Variants in CNTN5 observed in about 807,000 individuals in gnomAD.
The protein encoded by CNTN5 is contactin-5.
In CNTN5, 77 loss-of-function variants were observed where a neutral mutation model predicts 129.1. That is an observed-to-expected ratio of 0.60 (90% CI 0.50 to 0.72). The LOEUF is 0.72. CNTN5 is among the 30% of genes least tolerant of loss of function. The probability of loss-of-function intolerance (pLI) is 0.00; values close to 1 mark genes in which losing one functional copy is unlikely to be tolerated. For missense variants in CNTN5, 1,478 were observed against 1,328.8 expected (o/e 1.11, Z -1.75); for synonymous variants, 509 against 465.6 (o/e 1.09, Z -1.20).
intron 1 of CNTN5, among the ~76,000 whole-genome samples, chr11:99,085,471 T>C (rs1591166773): frequency 6.6e-6 from 1 of 152,202 alleles, no homozygotes; most frequent in East Asian, 1.9e-4. Flanking sequence ...AAAGAATTAC[T>C]TCATACTTTT....
At chr11:99,585,993 C>A (rs918887753) in intron 3 of CNTN5, among the ~76,000 whole-genome samples, 2 of 151,992 alleles carry the variant, frequency 1.3e-5, no homozygotes, top group African/African-American at 4.8e-5. Flanking sequence ...CAGTCAGCTA[C>A]CGTGTTAGTT....
At chr11:99,465,449 A>G (rs2135252359) in intron 2 of CNTN5, among the ~76,000 whole-genome samples, 1 of 152,188 alleles carries the variant, frequency 6.6e-6, no homozygotes, top group African/African-American at 2.4e-5. Context: ...TTAAGTAAAA[A>G]TATATTTAAT....
intron 1 of CNTN5, among the ~76,000 whole-genome samples, chr11:99,305,331 T>C (rs187529420): frequency 1.1e-4 from 17 of 152,302 alleles, no homozygotes; most frequent in African/African-American, 3.8e-4. Context: ...AAGAGATGCT[T>C]GTTAACATCT....
intron 7 of CNTN5, 109 bp from the exon 8 acceptor site, chr11:99,956,697 G>A (rs767715451): frequency 5.7e-6 from 4 of 702,282 alleles, no homozygotes; most frequent in Non-Finnish European, 7.4e-6. Context: ...GATCAAATAT[G>A]TATGACCTTG....
rs140935583 is a variant in CNTN5, at chr11:99,704,297, G to A, written c.56-115247G>A. ...CACACAGGAACTTATTAAATGCCAC[G>A]TTAAATGATTACAAAATTGATATGA... On this transcript the variant is annotated intron_variant, in intron 3 of 24. Coordinates refer to ENST00000524871, the MANE Select transcript of CNTN5 (RefSeq NM_014361.4). Among the ~76,000 whole-genome samples the A allele has an allele frequency of 4.4e-3, 670 of 150,934 alleles. 6 individuals carry two copies. Among genetic ancestry groups the A allele is most frequent in the African/African-American group, 0.014 (581 of 41,348 alleles).
intron 2 of CNTN5, among the ~76,000 whole-genome samples, chr11:99,462,942 A>C: frequency 6.6e-6 from 1 of 151,348 alleles, no homozygotes; most frequent in East Asian, 2.0e-4. Flanking sequence ...AAAACAAAAC[A>C]AAACAAACAA....
intron 13 of CNTN5, among the ~76,000 whole-genome samples, chr11:100,179,671 A>T (rs1172041389): frequency 6.6e-6 from 1 of 152,080 alleles, no homozygotes; most frequent in Non-Finnish European, 1.5e-5. Flanking sequence ...CATTTACCTG[A>T]TTATACCTGA....
intron 9 of CNTN5, among the ~76,000 whole-genome samples, chr11:100,007,939 G>GGTTC (rs1445908151): frequency 6.6e-6 from 1 of 151,968 alleles, no homozygotes; most frequent in Non-Finnish European, 1.5e-5. Flanking sequence ...TGAACACTTA[G>GGTTC]AAACCATTGT....
At chr11:99,954,943 G>C (rs138913709) in intron 7 of CNTN5, among the ~76,000 whole-genome samples, 1 of 152,074 alleles carries the variant, frequency 6.6e-6, no homozygotes, top group Non-Finnish European at 1.5e-5. Flanking sequence ...CCAATTTTGT[G>C]TAAATGTTTT....
intron 2 of CNTN5, among the ~76,000 whole-genome samples, chr11:99,404,704 G>T (rs1257121430): frequency 6.6e-6 from 1 of 151,954 alleles, no homozygotes; most frequent in Non-Finnish European, 1.5e-5. Flanking sequence ...ACATCTTATT[G>T]TACTGTCTGT....
intron 3 of CNTN5, among the ~76,000 whole-genome samples, chr11:99,794,403 G>A (rs1945861856): frequency 6.6e-6 from 1 of 151,800 alleles, no homozygotes; most frequent in Admixed American, 6.6e-5. Context: ...CTTTTATTGG[G>A]GCATTTTGCC....
chr11:100,119,641 T>C (rs1235353786), intron 13 of CNTN5, among the ~76,000 whole-genome samples: 1 of 151,902 alleles, frequency 6.6e-6, no homozygotes, highest in Non-Finnish European at 1.5e-5. Flanking sequence ...TGGAAGAATA[T>C]AGAAATGTAG....
intron 16 of CNTN5, among the ~76,000 whole-genome samples, chr11:100,238,446 A>T (rs1949667141): frequency 7.0e-6 from 1 of 143,402 alleles, no homozygotes; most frequent in Non-Finnish European, 1.5e-5. Flanking sequence ...AAGAAGAAGG[A>T]GAAGGCGAAA....
chr11:99,681,380 CTGT>C (rs1292856424), intron 3 of CNTN5, among the ~76,000 whole-genome samples: 2 of 151,980 alleles, frequency 1.3e-5, no homozygotes, highest in African/African-American at 4.8e-5. Context: ...GCAAACTTCA[CTGT>C]TGTCTTATTC....
chr11:99,095,235 A>T (rs528194635), intron 1 of CNTN5, among the ~76,000 whole-genome samples: 56 of 152,056 alleles, frequency 3.7e-4, no homozygotes, highest in Non-Finnish European at 7.2e-4. Flanking sequence ...TGATGTATGT[A>T]TGATTTGGAA....
intron 1 of CNTN5, among the ~76,000 whole-genome samples, chr11:99,128,258 G>T (rs117343504): frequency 0.08 from 12,158 of 152,110 alleles, 652 homozygotes; most frequent in South Asian, 0.12. Flanking sequence ...ATGGTGGGAG[G>T]GGTGACCGCC....
intron 1 of CNTN5, among the ~76,000 whole-genome samples, chr11:99,246,052 G>C (rs1861798346): frequency 6.6e-6 from 1 of 152,056 alleles, no homozygotes; most frequent in Admixed American, 6.6e-5. Context: ...TCATAAACTT[G>C]GTTAGTTGAG....
At chr11:99,065,739 A>ATG (rs1865075429) in intron 1 of CNTN5, among the ~76,000 whole-genome samples, 1 of 141,900 alleles carries the variant, frequency 7.0e-6, no homozygotes, top group African/African-American at 2.9e-5. Context: ...AGGCCTCATT[A>ATG]GAGTTGATTC....
At chr11:99,962,253 AC>A (rs1290279384) in intron 8 of CNTN5, among the ~76,000 whole-genome samples, 3 of 151,850 alleles carry the variant, frequency 2.0e-5, no homozygotes, top group South Asian at 2.1e-4. Context: ...GGTGTGCTGC[AC>A]CCATTAACTC....
Sources: allele counts gnomAD v4.1 joint callset (sites outside exome capture counted in the v4.1 genomes callset), GRCh38; gene constraint gnomAD v4.1.1; transcripts MANE v1.5; gene names NCBI Gene and HGNC (gene_info 2026-07-23, HGNC 2026-07-21).